CHSY3: variants seen among roughly 807,000 people sequenced by gnomAD.
CHSY3 encodes the protein N-acetylgalactosaminyl-proteoglycan 3-beta-glucuronosyltransferase 3.
In CHSY3, 35 loss-of-function variants were observed where a neutral mutation model predicts 67.2. The observed-to-expected ratio is 0.52, with a 90% CI of 0.40 to 0.69. The LOEUF (loss-of-function observed/expected upper bound fraction) is 0.69. Ranked by LOEUF, CHSY3 falls within the 30% of genes least tolerant of loss-of-function variation. The probability of loss-of-function intolerance (pLI) is 0.00; values close to 1 mark genes in which losing one functional copy is unlikely to be tolerated. For synonymous variants in CHSY3, 474 were observed against 434.7 expected, an observed-to-expected ratio of 1.09 and a Z score of -1.12; for missense variants, 1,069 against 1,138.5, an observed-to-expected ratio of 0.94 and a Z score of 0.88.
At chr5:129,913,038 G>A (rs989388749) in intron 2 of CHSY3, among the ~76,000 whole-genome samples, 6 of 152,186 alleles carry the variant, frequency 3.9e-5, no homozygotes, top group African/African-American at 1.4e-4. Context: ...CACACTTTTG[G>A]TTGAGCTCTA....
At chr5:129,910,272 G>C (rs933278209) in intron 2 of CHSY3, among the ~76,000 whole-genome samples, 1 of 151,888 alleles carries the variant, frequency 6.6e-6, no homozygotes, top group Non-Finnish European at 1.5e-5. Flanking sequence ...ATAACTTTTC[G>C]TAATACATTT....
intron 2 of CHSY3, among the ~76,000 whole-genome samples, chr5:129,931,240 C>T (rs1011438630): frequency 6.6e-6 from 1 of 152,160 alleles, no homozygotes; most frequent in Admixed American, 6.6e-5. Flanking sequence ...CTGACATCCT[C>T]ATCTTGTTTC....
intron 2 of CHSY3, among the ~76,000 whole-genome samples, chr5:130,167,385 A>G: frequency 6.6e-6 from 1 of 152,108 alleles, no homozygotes; most frequent in East Asian, 1.9e-4. Flanking sequence ...AGCTAATAGT[A>G]CCTTGAGAAA....
intron 2 of CHSY3, among the ~76,000 whole-genome samples, chr5:129,914,503 C>T (rs1760675216): frequency 6.6e-6 from 1 of 152,184 alleles, no homozygotes; most frequent in Admixed American, 6.5e-5. Context: ...AAGTATAAGA[C>T]AGGGATTTTG....
intron 2 of CHSY3, among the ~76,000 whole-genome samples, chr5:130,130,505 G>T (rs1400204344): frequency 1.3e-5 from 2 of 152,062 alleles, no homozygotes; most frequent in Non-Finnish European, 1.5e-5. Flanking sequence ...AATTAGGTTT[G>T]CAGGAGCCTT....
intron 2 of CHSY3, among the ~76,000 whole-genome samples, chr5:130,162,618 T>A (rs1212571666): frequency 6.6e-6 from 1 of 152,072 alleles, no homozygotes; most frequent in Non-Finnish European, 1.5e-5. Flanking sequence ...CACTCCAGCC[T>A]GGAACTTCTG....
At chr5:130,082,848 C>CTA (rs1421720669) in intron 2 of CHSY3, among the ~76,000 whole-genome samples, 1 of 151,330 alleles carries the variant, frequency 6.6e-6, no homozygotes, top group Admixed American at 6.6e-5. Flanking sequence ...TGTTGGAGCA[C>CTA]TATATATATG....
chr5:130,029,378 G>C (rs1195130397), intron 2 of CHSY3, among the ~76,000 whole-genome samples: 1 of 151,994 alleles, frequency 6.6e-6, no homozygotes, highest in South Asian at 2.1e-4. Context: ...GGAAATTGAG[G>C]TTTAGAAAAT....
At chr5:130,097,215 A>G (rs965437158) in intron 2 of CHSY3, among the ~76,000 whole-genome samples, 4 of 152,202 alleles carry the variant, frequency 2.6e-5, no homozygotes, top group Non-Finnish European at 5.9e-5. Context: ...TAGGTAACCC[A>G]CTGTGTTTGT....
chr5:130,000,263 A>G lies in CHSY3; in HGVS notation c.1086+91903A>G, dbSNP rs961599047. Among the ~76,000 whole-genome samples the G allele has an allele frequency of 3.0e-4, 46 of 152,204 alleles. 2 individuals carry two copies. Among genetic ancestry groups the G allele is most frequent in the Non-Finnish European group, 2.9e-5 (2 of 68,030 alleles). On this transcript the variant is annotated intron_variant, in intron 2 of 2. Coordinates refer to ENST00000305031, the MANE Select transcript of CHSY3 (RefSeq NM_175856.5). ...CGTAGGATTTTAGTGTAACGTTTTG[A>G]AAGGCTGCACTATAAAAATAACACT... is the stretch of plus-strand genomic sequence containing the variant.
In CHSY3 at chr5:130,183,384, G is replaced by A. The variant is rs184808021; in HGVS notation, c.1087-845G>A. On this transcript the variant is annotated intron_variant, in intron 2 of 2. Coordinates refer to ENST00000305031, the MANE Select transcript of CHSY3 (RefSeq NM_175856.5). ...AGGAGTGTAGATCAGTATAGTTTCC[G>A]TTTCACCTTATCTTACCAAGAACTT... Among the ~76,000 whole-genome samples the A allele has an allele frequency of 1.3e-4, 20 of 152,096 alleles. No homozygotes were observed. In the East Asian group the frequency reaches 2.3e-3, roughly 18 times the overall value.
intron 2 of CHSY3, among the ~76,000 whole-genome samples, chr5:130,058,100 A>G (rs1413432365): frequency 6.6e-6 from 1 of 151,830 alleles, no homozygotes; most frequent in Non-Finnish European, 1.5e-5. Context: ...CTTTCCTACC[A>G]CTGCTGTCAT....
At chr5:130,001,401 G>A (rs1763724067) in intron 2 of CHSY3, 7 of 891,134 alleles carry the variant, frequency 7.9e-6, no homozygotes, top group Non-Finnish European at 9.4e-6. Flanking sequence ...TTCCTCCAGA[G>A]TTAGTAGGCT....
At chr5:130,075,385 T>C (rs552839784) in intron 2 of CHSY3, among the ~76,000 whole-genome samples, 5 of 152,300 alleles carry the variant, frequency 3.3e-5, no homozygotes, top group Admixed American at 3.3e-4. Context: ...TATTATATAC[T>C]TTAATTACTA....
At chr5:129,993,459 T>C (rs1410700015) in intron 2 of CHSY3, among the ~76,000 whole-genome samples, 1 of 152,172 alleles carries the variant, frequency 6.6e-6, no homozygotes. Flanking sequence ...TTTACCATTA[T>C]GTAATGGCCT....
chr5:130,015,338 T>C (rs973202115), intron 2 of CHSY3, among the ~76,000 whole-genome samples: 2 of 152,124 alleles, frequency 1.3e-5, no homozygotes, highest in African/African-American at 4.8e-5. Context: ...GTATCAGGTA[T>C]ATCTTCACAG....
chr5:130,115,752 G>A (rs193042537), intron 2 of CHSY3, among the ~76,000 whole-genome samples: 73 of 152,246 alleles, frequency 4.8e-4, no homozygotes, highest in Non-Finnish European at 2.2e-4. Flanking sequence ...AAAACAAAGC[G>A]CATGTAATCA....
intron 2 of CHSY3, among the ~76,000 whole-genome samples, chr5:130,137,435 T>G (rs920304398): frequency 3.9e-5 from 6 of 152,208 alleles, no homozygotes; most frequent in Non-Finnish European, 2.9e-5. Context: ...TCAATCATTT[T>G]GCCATCCTGA....
At chr5:130,142,979 T>G (rs1206952177) in intron 2 of CHSY3, among the ~76,000 whole-genome samples, 1 of 152,228 alleles carries the variant, frequency 6.6e-6, no homozygotes, top group Non-Finnish European at 1.5e-5. Flanking sequence ...TCATTCTTCA[T>G]TCTGTCTTCT....
Sources: gnomAD v4.1 joint callset for allele counts (sites outside exome capture counted in the v4.1 genomes callset) on GRCh38, gnomAD v4.1.1 for gene constraint, MANE v1.5 for transcripts, NCBI Gene and HGNC (gene_info 2026-07-23, HGNC 2026-07-21) for gene names.